VIRMA: variants seen among roughly 807,000 people sequenced by gnomAD.
VIRMA encodes vir like m6A methyltransferase associated, also known as protein virilizer homolog.
Under a neutral mutation model 182.4 loss-of-function variants are expected in VIRMA, and 65 were observed. The observed-to-expected ratio is 0.36, with a 90% CI of 0.29 to 0.44. The LOEUF (loss-of-function observed/expected upper bound fraction) is 0.44. VIRMA is among the 20% of genes least tolerant of loss of function. The pLI, the probability that VIRMA is intolerant of heterozygous loss-of-function variation, is 1.00. For missense variants in VIRMA, 1,752 were observed against 2,158.1 expected (o/e 0.81, Z 3.73); for synonymous variants, 709 against 743.1 (o/e 0.95, Z 0.75).
chr8:94,528,808 A>G (rs1004443240), intron 7 of VIRMA, among the ~76,000 whole-genome samples: 2 of 152,184 alleles, frequency 1.3e-5, no homozygotes, highest in African/African-American at 4.8e-5. Context: ...GGAAACTCAT[A>G]CTGTAGCAAG....
chr8:94,526,502 G>A lies in VIRMA; in HGVS notation c.1742C>T (p.Pro581Leu). ...GTCGTGATCAGGTTCACTGTGGTTA[G>A]GAAGAGATGAAGTCTTCTCTGCTAA... is the stretch of plus-strand genomic sequence containing the variant. ...DHLAEKTSSL[P>L]NHSEPDHDTD... Residue 581 changes from proline to leucine, a missense_variant, in exon 8 of 24, where the codon CCT becomes CTT. Physicochemically the swap from Pro to Leu is moderately conservative, Grantham distance 98. Transcript: ENST00000297591. 6.2e-7 allele frequency: 1 copy of A among 1,613,394 alleles called. No individual in the cohort carries two copies. Among genetic ancestry groups the A allele is most frequent in the South Asian group, 1.1e-5 (1 of 90,898 alleles).
At chr8:94,545,902 A>T (rs1815741058) in intron 1 of VIRMA, among the ~76,000 whole-genome samples, 1 of 152,078 alleles carries the variant, frequency 6.6e-6, no homozygotes, top group African/African-American at 2.4e-5. Flanking sequence ...ACAAAAAATT[A>T]AAAAATCAGC....
At position 94,538,253 on chromosome 8, in the gene VIRMA, T is replaced by A. The variant is rs1815410782; in HGVS notation, c.266+7A>T. On this transcript the variant is annotated splice_region_variant and intron_variant, in intron 3 of 23. Transcript: ENST00000297591. ...GTTTCTGGTGAAATTACCTAGCAGG[T>A]ACATACCTTCCCAACCTATCGAAAA... 6.3e-7 allele frequency: 1 copy of A among 1,591,960 alleles called. No individual in the cohort carries two copies.
rs139733787 is a variant in VIRMA, at chr8:94,535,162, C to T, written c.316-155G>A. On this transcript the variant is annotated intron_variant, in intron 4 of 23. Transcript: ENST00000297591. ...CAAAGTGAAATTTACCTAGGCACAG[C>T]TTTTAGTGTGGTTCTCCAGAGCTAC... Among the ~76,000 whole-genome samples, 143 of 152,252 alleles carry T rather than the reference C, an allele frequency of 9.4e-4. 1 individual carries two copies. Among genetic ancestry groups the T allele is most frequent in the African/African-American group, 3.3e-3 (137 of 41,542 alleles).
At chr8:94,496,594 T>C in intron 17 of VIRMA, 114 bp from the exon 18 acceptor site, 1 of 818,666 alleles carries the variant, frequency 1.2e-6, no homozygotes, top group African/African-American at 1.7e-5. Context: ...AATGTTTTCA[T>C]TTTTACATCA....
At chr8:94,539,246 T>C (rs773277589) in intron 2 of VIRMA, among the ~76,000 whole-genome samples, 45 of 152,190 alleles carry the variant, frequency 3.0e-4, no homozygotes, top group Non-Finnish European at 4.0e-4. Context: ...GTTGTGTAAT[T>C]ACAATTTCAA....
intron 6 of VIRMA, among the ~76,000 whole-genome samples, chr8:94,529,783 G>A (rs1018973074): frequency 2.0e-5 from 3 of 151,992 alleles, no homozygotes; most frequent in Non-Finnish European, 4.4e-5. Flanking sequence ...GGGATTACAG[G>A]CGTGTAACAC....
Position 94,530,323 on chromosome 8 carries a change from T to C in VIRMA, c.607+640A>G, listed in dbSNP as rs987141326. Among the ~76,000 whole-genome samples the C allele has an allele frequency of 6.6e-5, 10 of 151,674 alleles. No individual in the cohort carries two copies. The East Asian group carries it at 1.8e-3, about 27-fold the overall frequency. On this transcript the variant is annotated intron_variant, in intron 6 of 23. Transcript: ENST00000297591. ...GAGTTTAAGACCAGCCTGAGCAACA[T>C]AGGAAACTTCTTCTCTATAAAAAAT...
At position 94,526,671 on chromosome 8, in the gene VIRMA, G is replaced by A; in HGVS notation, c.1573C>T (p.Gln525Ter). The A allele has an allele frequency of 3.1e-6, 5 of 1,613,738 alleles. No homozygotes were observed. The highest frequency in any genetic ancestry group is 4.2e-6 in the Non-Finnish European group (5 of 1,179,934). Residue 525 changes from glutamine (Q) to a stop codon, truncating the protein, a stop_gained, in exon 8 of 24, where the codon CAG becomes TAG. Transcript: ENST00000297591. LOFTEE classifies it high-confidence loss of function. ...EGMEAFLRGR[Q>*]NEKSGYQKLL... ...TTTTGATAACCACTTTTTTCATTCTGCCTACCTCTTAAAAAAGCTTCCATT... is the reference window on the plus strand; with the variant it reads ...TTTTGATAACCACTTTTTTCATTCTACCTACCTCTTAAAAAAGCTTCCATT...
intron 16 of VIRMA, among the ~76,000 whole-genome samples, chr8:94,503,878 C>CAA (rs556774938): frequency 3.5e-5 from 5 of 144,192 alleles, no homozygotes; most frequent in Non-Finnish European, 6.1e-5. Flanking sequence ...ACCAAAAAAA[C>CAA]AAAAAAAAAA....
chr8:94,538,145 C>A, intron 3 of VIRMA, 115 bp downstream of exon 3: 1 of 731,596 alleles, frequency 1.4e-6, no homozygotes, highest in East Asian at 2.5e-5. Flanking sequence ...CAATTAAACC[C>A]TGTGTTCTTG....
Position 94,534,926 on chromosome 8 carries a change from T to C in VIRMA, c.397A>G (p.Ser133Gly). ...GGTGGTGGAGAGTCTCTGTCATGAC[T>C]TATCACTCTATCCACTGATCCATAT... ...AIYGSVDRVI[S>G]HDRDSPPPPP... Residue 133 changes from serine to glycine, a missense_variant, in exon 5 of 24, where the codon AGT (serine) becomes GGT (glycine). Physicochemically the swap from Ser to Gly is moderately conservative, Grantham distance 56 (BLOSUM62 0). Coordinates refer to ENST00000297591, the MANE Select transcript of VIRMA (RefSeq NM_015496.5). The C allele has an allele frequency of 6.2e-7, 1 of 1,613,980 alleles. No individual in the cohort carries two copies. Among genetic ancestry groups the C allele is most frequent in the Non-Finnish European group, 8.5e-7 (1 of 1,179,946 alleles).
At chr8:94,541,558 T>G (rs1295363394) in intron 2 of VIRMA, among the ~76,000 whole-genome samples, 1 of 152,142 alleles carries the variant, frequency 6.6e-6, no homozygotes, top group East Asian at 1.9e-4. Flanking sequence ...TTTCTTTTTT[T>G]TAAGATGGAG....
chr8:94,507,137 C>CT (rs202183757), intron 15 of VIRMA, among the ~76,000 whole-genome samples: 41 of 133,152 alleles, frequency 3.1e-4, no homozygotes, highest in Non-Finnish European at 4.2e-4. Flanking sequence ...TAAAGTTTTT[C>CT]TTTTTTTTTT....
rs779240794 is a variant in VIRMA, at chr8:94,526,236, G to A, written c.2008C>T (p.Pro670Ser). Reference sequence around the variant, plus strand: ...AACATGTCTTACCTAAAGAGAACAGGGTATGGATCATCCCTCTCTGGAGGT... The same window carrying A: ...AACATGTCTTACCTAAAGAGAACAGAGTATGGATCATCCCTCTCTGGAGGT... The part of the protein sequence containing the change: ...TGPPERDDPY[P>S]VLFRYLHSHH... The change falls in exon 8 of 24, where the codon CCT becomes TCT. Residue 670 changes from proline to serine, a missense_variant. Transcript: ENST00000297591. The A allele has an allele frequency of 6.2e-7, 1 of 1,609,662 alleles. No individual in the cohort carries two copies. The highest frequency in any genetic ancestry group is 8.5e-7 in the Non-Finnish European group (1 of 1,177,952).
intron 16 of VIRMA, 83 bp downstream of exon 16, chr8:94,506,417 G>A: frequency 3.6e-6 from 3 of 827,434 alleles, no homozygotes; most frequent in Non-Finnish European, 3.8e-6. Flanking sequence ...TCTACAATAG[G>A]TATGAATTAA....
At position 94,526,911 on chromosome 8, in the gene VIRMA, G is replaced by T; in HGVS notation, c.1333C>A (p.Leu445Ile). 1 of 1,614,204 alleles carries T rather than the reference G, an allele frequency of 6.2e-7. No individual in the cohort carries two copies. The highest frequency in any genetic ancestry group is 8.5e-7 in the Non-Finnish European group (1 of 1,180,030). Residue 445 changes from leucine to isoleucine, a missense_variant, in exon 8 of 24, where the codon CTT becomes ATT. This residue lies in a region of VIRMA where 401 missense variants were observed against 455.1 expected (regional missense o/e 0.88). Transcript: ENST00000297591. Reference protein sequence around the residue: ...TMQALNLQVALRQPIALNVRQ... With the variant: ...TMQALNLQVAIRQPIALNVRQ... The stretch of plus-strand genomic sequence containing the variant: ...ACATTTAAGGCGATAGGTTGGCGAA[G>T]CGCTACTTGTAAATTTAAAGCTTGC...
intron 22 of VIRMA, among the ~76,000 whole-genome samples, chr8:94,491,167 A>G (rs756763433): frequency 7.4e-6 from 1 of 134,840 alleles, no homozygotes; most frequent in African/African-American, 3.1e-5. Flanking sequence ...TACAAAAATT[A>G]GTTGGGCATT....
intron 6 of VIRMA, among the ~76,000 whole-genome samples, chr8:94,529,683 A>G (rs1373271790): frequency 6.6e-6 from 1 of 151,954 alleles, no homozygotes; most frequent in Non-Finnish European, 1.5e-5. Context: ...TCTGTCGGCC[A>G]GGCTGGAGTG....
Sources: gnomAD v4.1 joint callset for allele counts (sites outside exome capture counted in the v4.1 genomes callset) on GRCh38, gnomAD v4.1.1 for gene constraint, gnomAD v4.1.1 regional missense constraint, MANE v1.5 for transcripts, NCBI Gene and HGNC (gene_info 2026-07-23, HGNC 2026-07-21) for gene names.